The following KCNMB2 variants were observed in gnomAD, a reference collection of about 807,000 sequenced individuals.
The protein encoded by KCNMB2 is calcium-activated potassium channel subunit beta-2.
A neutral mutation model predicts 24.5 loss-of-function variants in KCNMB2; 9 were observed. The ratio of observed to expected loss-of-function variants is 0.37; its 90% CI spans 0.22 to 0.64. The LOEUF (loss-of-function observed/expected upper bound fraction) is 0.64, where lower values mean the gene tolerates loss of function less well. Among genes scored for constraint, KCNMB2 ranks in the 30% least tolerant of loss-of-function variants. The probability of loss-of-function intolerance (pLI) is 0.63; values close to 1 mark genes in which losing one functional copy is unlikely to be tolerated. For synonymous variants in KCNMB2, 109 were observed against 104.4 expected (o/e 1.04, Z -0.27); for missense variants, 226 against 284.3 (o/e 0.79, Z 1.47).
intron 1 of KCNMB2, among the ~76,000 whole-genome samples, chr3:178,792,126 C>T (rs770602355): frequency 7.9e-5 from 12 of 152,126 alleles, no homozygotes; most frequent in Non-Finnish European, 1.3e-4. Context: ...ATATAAAGTA[C>T]TCATATCTTG....
intron 1 of KCNMB2, among the ~76,000 whole-genome samples, chr3:178,680,097 C>T (rs1486011633): frequency 6.6e-6 from 1 of 152,036 alleles, no homozygotes; most frequent in Non-Finnish European, 1.5e-5. Context: ...CTGGAGCACC[C>T]CTCTGCGCAT....
intron 1 of KCNMB2, among the ~76,000 whole-genome samples, chr3:178,607,037 A>G (rs1169969410): frequency 3.3e-5 from 5 of 152,222 alleles, no homozygotes. Context: ...TCTGCTGTTT[A>G]TAAGCAACCC....
intron 1 of KCNMB2, among the ~76,000 whole-genome samples, chr3:178,728,634 G>C (rs951064142): frequency 2.6e-5 from 4 of 152,090 alleles, no homozygotes; most frequent in African/African-American, 9.7e-5. Flanking sequence ...CTCAGGTCTA[G>C]GGGGGTCCCA....
chr3:178,782,715 C>T lies in KCNMB2; in HGVS notation c.-67-24628C>T, dbSNP rs1441007798. Reference sequence around the variant, plus strand: ...AGCCCTTTGTCAGATGAGTAGGTTGCGAAAATTTTCTCCCATTTTGTAGTT... The same window carrying T: ...AGCCCTTTGTCAGATGAGTAGGTTGTGAAAATTTTCTCCCATTTTGTAGTT... On this transcript the variant is annotated intron_variant, in intron 1 of 4. Transcript: ENST00000452583. 1.9e-3 allele frequency among the ~76,000 whole-genome samples: 284 copies of T among 150,828 alleles called. 1 individual carries two copies. The highest frequency in any genetic ancestry group is 3.9e-4 in the East Asian group (2 of 5,112).
intron 1 of KCNMB2, among the ~76,000 whole-genome samples, chr3:178,598,894 T>A (rs6776671): frequency 0.12 from 17,571 of 152,078 alleles, 1,181 homozygotes; most frequent in Middle Eastern, 0.23. Flanking sequence ...GTTTTTGAAA[T>A]ATACTCAGAA....
chr3:178,594,398 A>G (rs1717791287), intron 1 of KCNMB2, among the ~76,000 whole-genome samples: 1 of 152,066 alleles, frequency 6.6e-6, no homozygotes, highest in South Asian at 2.1e-4. Context: ...AGATGGTGGG[A>G]AGTTGCCAGA....
intron 1 of KCNMB2, among the ~76,000 whole-genome samples, chr3:178,638,197 G>C (rs890827571): frequency 6.6e-6 from 1 of 152,044 alleles, no homozygotes; most frequent in Non-Finnish European, 1.5e-5. Flanking sequence ...CAAAGGACAG[G>C]GAAAAGTCTA....
intron 1 of KCNMB2, among the ~76,000 whole-genome samples, chr3:178,630,736 T>C (rs1397846363): frequency 2.0e-5 from 3 of 152,194 alleles, no homozygotes; most frequent in Non-Finnish European, 4.4e-5. Context: ...CCAAGATACA[T>C]AGATGCTATT....
chr3:178,661,992 T>C (rs1052157290), intron 1 of KCNMB2, among the ~76,000 whole-genome samples: 5 of 152,102 alleles, frequency 3.3e-5, no homozygotes, highest in African/African-American at 9.7e-5. Context: ...AAGGAGACAA[T>C]AGATGGCATT....
chr3:178,775,425 T>A (rs79892850), intron 1 of KCNMB2, among the ~76,000 whole-genome samples: 21,409 of 152,218 alleles, frequency 0.14, 1,836 homozygotes, highest in Admixed American at 0.18. Context: ...TAACTTTTTT[T>A]AGAGAAAATA....
chr3:178,664,321 G>A (rs1242252002), intron 1 of KCNMB2, among the ~76,000 whole-genome samples: 3 of 152,150 alleles, frequency 2.0e-5, no homozygotes, highest in African/African-American at 7.2e-5. Flanking sequence ...GGGAAAGATA[G>A]GTTGGAGAAA....
In KCNMB2 at chr3:178,842,957, AAT is replaced by A; in HGVS notation, c.*21_*22del. ...AGATAAATGCAAAAATGGATAAAAT[AAT>A]TTTTGTTAAAGCTCAAATACTGTTT... On this transcript the variant is annotated 3_prime_UTR_variant, in exon 5 of 5. Transcript: ENST00000452583. 6.3e-7 allele frequency: 1 copy of A among 1,577,724 alleles called. No homozygotes were observed. Among genetic ancestry groups the A allele is most frequent in the Non-Finnish European group, 8.6e-7 (1 of 1,158,524 alleles).
At chr3:178,805,417 G>A (rs1713926484) in intron 1 of KCNMB2, among the ~76,000 whole-genome samples, 2 of 152,094 alleles carry the variant, frequency 1.3e-5, no homozygotes, top group African/African-American at 4.8e-5. Flanking sequence ...CCCTAAAGAT[G>A]TTAAGTGACT....
chr3:178,543,986 T>C (rs1404211294), intron 1 of KCNMB2, among the ~76,000 whole-genome samples: 1 of 152,132 alleles, frequency 6.6e-6, no homozygotes, highest in Non-Finnish European at 1.5e-5. Context: ...CACCCCTCCT[T>C]AAACTGTAAG....
At chr3:178,671,339 A>G (rs1720891469) in intron 1 of KCNMB2, among the ~76,000 whole-genome samples, 1 of 152,146 alleles carries the variant, frequency 6.6e-6, no homozygotes, top group Non-Finnish European at 1.5e-5. Context: ...AGGTTGACAT[A>G]AGATGTTTTG....
At chr3:178,714,267 T>G (rs1722546428) in intron 1 of KCNMB2, among the ~76,000 whole-genome samples, 1 of 152,242 alleles carries the variant, frequency 6.6e-6, no homozygotes, top group South Asian at 2.1e-4. Flanking sequence ...AGACCTGCTA[T>G]GCATTCGGTC....
intron 1 of KCNMB2, among the ~76,000 whole-genome samples, chr3:178,611,504 A>G (rs940325225): frequency 6.6e-6 from 1 of 152,148 alleles, no homozygotes; most frequent in Non-Finnish European, 1.5e-5. Flanking sequence ...GGAGATCAAG[A>G]CCATCCTGGC....
chr3:178,842,172 A>G (rs1297794178), intron 4 of KCNMB2, among the ~76,000 whole-genome samples: 1 of 152,220 alleles, frequency 6.6e-6, no homozygotes, highest in Non-Finnish European at 1.5e-5. Flanking sequence ...ATAAAAAGAT[A>G]AGAGTATACT....
intron 1 of KCNMB2, among the ~76,000 whole-genome samples, chr3:178,540,706 T>A (rs984332251): frequency 3.9e-5 from 6 of 152,158 alleles, no homozygotes; most frequent in Non-Finnish European, 8.8e-5. Flanking sequence ...TTTTTTCAGG[T>A]TTCTGCTGAA....
Sources: allele counts gnomAD v4.1 joint callset (sites outside exome capture counted in the v4.1 genomes callset), GRCh38; gene constraint gnomAD v4.1.1; transcripts MANE v1.5; gene names NCBI Gene and HGNC (gene_info 2026-07-23, HGNC 2026-07-21).